The following RASGRP4 variants were observed in gnomAD, a reference collection of about 807,000 sequenced individuals.
RASGRP4 encodes RAS guanyl-releasing protein 4.
RASGRP4 carries 52 observed loss-of-function variants against 84.4 expected under a neutral mutation model. The observed-to-expected ratio is 0.62, with a 90% CI of 0.49 to 0.78. RASGRP4 has a LOEUF of 0.78. Among genes scored for constraint, RASGRP4 ranks in the 30% least tolerant of loss-of-function variants. The pLI is 0.00. For missense variants in RASGRP4, 760 were observed against 886.9 expected (o/e 0.86, Z 1.82); for synonymous variants, 356 against 359.1 (o/e 0.99, Z 0.10).
At position 38,426,104 on chromosome 19, in the gene RASGRP4, G is replaced by T. The variant is rs761051802; in HGVS notation, c.-13C>A. On this transcript the variant is annotated 5_prime_UTR_variant, in exon 1 of 17. Coordinates refer to ENST00000615439, the MANE Select transcript of RASGRP4 (RefSeq NM_170604.3). Reference sequence around the variant, plus strand: ...CTTTTCTGTTCATGCTTCCCGCGTGGGGTGAGGAGGCCGGGGGTCTTGCAA... The same window carrying T: ...CTTTTCTGTTCATGCTTCCCGCGTGTGGTGAGGAGGCCGGGGGTCTTGCAA... The T allele has an allele frequency of 7.5e-7, 1 of 1,329,516 alleles. No homozygotes were observed. Among genetic ancestry groups the T allele is most frequent in the Non-Finnish European group, 9.7e-7 (1 of 1,030,858 alleles). The allele number at this position is 1,329,516 out of a possible 1,614,324, so 82.4% of individuals were successfully genotyped here.
rs1239395830 is a variant in RASGRP4 at position 38,411,243 on chromosome 19, C to T, written c.1724G>A (p.Gly575Glu). The change falls in exon 15 of 17, where the codon GGG becomes GAG. Residue 575 changes from glycine to glutamate, a missense_variant. By Grantham distance (98) the Gly-to-Glu change is moderately conservative. Transcript: ENST00000615439. ...TKQGYRCREC[G>E]LCCHKHCRDQ... Reference sequence around the variant, plus strand: ...TCTGCAGTGTTTGTGGCAACACAGCCCGCACTCTGGGGGAAGGCAGCGGCA... The same window carrying T: ...TCTGCAGTGTTTGTGGCAACACAGCTCGCACTCTGGGGGAAGGCAGCGGCA... The T allele has an allele frequency of 1.9e-6, 3 of 1,613,974 alleles. No individual in the cohort carries two copies. The highest frequency in any genetic ancestry group is 2.5e-6 in the Non-Finnish European group (3 of 1,179,872).
Position 38,412,517 on chromosome 19 carries a change from C to T in RASGRP4, c.1680+155G>A. 2.8e-6 allele frequency: 2 copies of T among 710,652 alleles called. No individual in the cohort carries two copies. Among genetic ancestry groups the T allele is most frequent in the East Asian group, 2.7e-5 (1 of 36,514 alleles). 44.0% of individuals were successfully genotyped at this position (710,652 alleles called of 1,614,324 possible). A position where few individuals can be genotyped will look rare whatever the true frequency, so the allele number is the denominator to read the frequency against. ...GGATTATCTGGCATTTGGAGATTAT[C>T]CAGGATATAGGGAATGTCTGGTGTT... On this transcript the variant is annotated intron_variant, in intron 13 of 16. Transcript: ENST00000615439. This position sits in a 1 kb window ranked among gnomAD's most constrained non-coding sequence, Gnocchi z 4.6.
chr19:38,418,281 A>G lies in RASGRP4; in HGVS notation c.837+110T>C, dbSNP rs1311717684. 1.8e-6 allele frequency: 2 copies of G among 1,130,432 alleles called. No individual in the cohort carries two copies. Among genetic ancestry groups the G allele is most frequent in the Non-Finnish European group, 1.3e-6 (1 of 786,148 alleles). The allele number at this position is 1,130,432 out of a possible 1,614,324, so 70.0% of individuals were successfully genotyped here. The stretch of plus-strand genomic sequence containing the variant: ...CTGTGGCCTCGGGGGCGGGGCCGGG[A>G]GATGCGTGACGTCACCGCCGGGATG... On this transcript the variant is annotated intron_variant, in intron 7 of 16. Coordinates refer to ENST00000615439, the MANE Select transcript of RASGRP4 (RefSeq NM_170604.3). This position sits in a 1 kb window ranked among gnomAD's most constrained non-coding sequence, Gnocchi z 4.6.
Position 38,417,706 on chromosome 19 carries a change from G to A in RASGRP4, c.838-538C>T, listed in dbSNP as rs929601192. Among the ~76,000 whole-genome samples the A allele has an allele frequency of 2.0e-5, 3 of 152,150 alleles. No homozygotes were observed. The highest frequency in any genetic ancestry group is 4.4e-5 in the Non-Finnish European group (3 of 68,028). On this transcript the variant is annotated intron_variant, in intron 7 of 16. Transcript: ENST00000615439. This position sits in a 1 kb window ranked among gnomAD's most constrained non-coding sequence, Gnocchi z 5.1. Reference sequence around the variant, plus strand: ...CCTTGCCCTCCTTTTGACAAATTTCGGCAGAGGTTGCTGTGGAGAGAGTGG... The same window carrying A: ...CCTTGCCCTCCTTTTGACAAATTTCAGCAGAGGTTGCTGTGGAGAGAGTGG...
chr19:38,414,948 G>A lies in RASGRP4; in HGVS notation c.1130C>T (p.Pro377Leu). The A allele has an allele frequency of 6.2e-7, 1 of 1,613,616 alleles. No individual in the cohort carries two copies. ...DRLPDGRLHLPKLNNLYLRLQ... is the reference protein window; with the variant it reads ...DRLPDGRLHLLKLNNLYLRLQ... Reference sequence around the variant, plus strand: ...CCGCAGGTAGAGGTTGTTCAGCTTGGGTAGGTGCAGGCGGCCGTCAGGCAA... The same window carrying A: ...CCGCAGGTAGAGGTTGTTCAGCTTGAGTAGGTGCAGGCGGCCGTCAGGCAA... Residue 377 changes from proline (P) to leucine (L), a missense_variant, in exon 9 of 17, where the codon CCC becomes CTC. Physicochemically the swap from Pro to Leu is moderately conservative, Grantham distance 98. Coordinates refer to ENST00000615439, the MANE Select transcript of RASGRP4 (RefSeq NM_170604.3).
chr19:38,424,562 GGT>G (rs1232164172), intron 1 of RASGRP4, among the ~76,000 whole-genome samples: 1 of 150,626 alleles, frequency 6.6e-6, no homozygotes, highest in Non-Finnish European at 1.5e-5. Context: ...TGGGACTACA[GGT>G]GTGCACGACC....
chr19:38,419,761 AC>A, intron 6 of RASGRP4, 98 bp downstream of exon 6: 1 of 1,165,224 alleles, frequency 8.6e-7, no homozygotes, highest in Non-Finnish European at 1.2e-6. Context: ...CTGCCGAATG[AC>A]CATGCAGGTG....
chr19:38,418,689 G>T lies in RASGRP4; in HGVS notation c.664-125C>A. The stretch of plus-strand genomic sequence containing the variant: ...CTAGCCGGAGTGACCTTTGTCATCT[G>T]TCCCCCAACCCTCAGGCTGCTACAT... On this transcript the variant is annotated intron_variant, in intron 6 of 16. Coordinates refer to ENST00000615439, the MANE Select transcript of RASGRP4 (RefSeq NM_170604.3). This position sits in a 1 kb window ranked among gnomAD's most constrained non-coding sequence, Gnocchi z 4.6. 1 of 932,268 alleles carries T rather than the reference G, an allele frequency of 1.1e-6. No homozygotes were observed. The highest frequency in any genetic ancestry group is 1.5e-6 in the Non-Finnish European group (1 of 649,468). The allele number at this position is 932,268 out of a possible 1,614,324, so 57.7% of individuals were successfully genotyped here.
intron 16 of RASGRP4, 127 bp from the exon 17 acceptor site, chr19:38,410,223 T>C (rs182815429): frequency 6.2e-5 from 41 of 662,710 alleles, no homozygotes; most frequent in South Asian, 1.2e-4. Flanking sequence ...ACGTCCCCTG[T>C]GGAATCCTTT....
At chr19:38,415,586 T>A (rs1002383592) in intron 8 of RASGRP4, among the ~76,000 whole-genome samples, 8 of 151,756 alleles carry the variant, frequency 5.3e-5, no homozygotes, top group Non-Finnish European at 1.0e-4. Flanking sequence ...TTGGCCAGGC[T>A]GGTCTCAAAC....
rs1320778351 is a variant in RASGRP4 at position 38,409,225 on chromosome 19, TGTGCC to T, written c.*810_*814del. Reference sequence around the variant, plus strand: ...TCTTTGCCCTATAGCACATCTATCCTGTGCCGTGGGCATGGGTAAGGAGACATTCA... The same window carrying T: ...TCTTTGCCCTATAGCACATCTATCCTGTGGGCATGGGTAAGGAGACATTCA... On this transcript the variant is annotated 3_prime_UTR_variant, in exon 17 of 17. Coordinates refer to ENST00000615439, the MANE Select transcript of RASGRP4 (RefSeq NM_170604.3). 4.2e-5 allele frequency: 8 copies of T among 188,344 alleles called. No individual in the cohort carries two copies. The highest frequency in any genetic ancestry group is 1.7e-4 in the African/African-American group (7 of 42,272). The allele number at this position is 188,344 out of a possible 1,614,324, so 11.7% of individuals were successfully genotyped here.
At chr19:38,421,906 GA>G in intron 2 of RASGRP4, 62 bp downstream of exon 2, 1 of 1,445,740 alleles carries the variant, frequency 6.9e-7, no homozygotes. Flanking sequence ...AACTGAGGTG[GA>G]GAGAAGCGAG....
chr19:38,415,023 C>T lies in RASGRP4; in HGVS notation c.1055G>A (p.Gly352Asp), dbSNP rs2145207670. 6.2e-7 allele frequency: 1 copy of T among 1,611,260 alleles called. No homozygotes were observed. Among genetic ancestry groups the T allele is most frequent in the Non-Finnish European group, 8.5e-7 (1 of 1,178,982 alleles). The change falls in exon 9 of 17, where the codon GGC becomes GAC. Residue 352 changes from glycine (G) to aspartate (D), a missense_variant. Gly to Asp is a moderately conservative substitution (Grantham distance 94). Transcript: ENST00000615439. ...GCAGFRLPVLGVHLKDLVSLH... is the reference protein window; with the variant it reads ...GCAGFRLPVLDVHLKDLVSLH... ...GGACACCAGGTCCTTGAGGTGCACG[C>T]CCAGTACAGGCAGCCGGAAACCCGC...
At chr19:38,415,219 G>T in intron 8 of RASGRP4, 96 bp from the exon 9 acceptor site, 1 of 1,203,600 alleles carries the variant, frequency 8.3e-7, no homozygotes, top group Non-Finnish European at 1.1e-6. Flanking sequence ...GGACCCAGTG[G>T]CATTGTGGAA....
intron 6 of RASGRP4, among the ~76,000 whole-genome samples, chr19:38,419,469 G>T (rs952151025): frequency 5.3e-5 from 8 of 152,140 alleles, no homozygotes; most frequent in African/African-American, 1.9e-4. Flanking sequence ...ATCTCGCTCT[G>T]TCGCCCAGGC....
chr19:38,419,993 C>G lies in RASGRP4; in HGVS notation c.530G>C (p.Gly177Ala), dbSNP rs754222225. The G allele has an allele frequency of 2.7e-5, 43 of 1,613,762 alleles. No homozygotes were observed. The Middle Eastern group carries it at 1.2e-3, about 43-fold the overall frequency. The change falls in exon 6 of 17, where the codon GGC (glycine) becomes GCC (alanine). Residue 177 changes from glycine to alanine, a missense_variant. Gly to Ala is a moderately conservative substitution (Grantham distance 60, BLOSUM62 0). Transcript: ENST00000615439. ...SSDLLSPGGP[G>A]PPLPMSSPGL... is the part of the protein sequence containing the mutation. ...TGGGCTGCTCATTGGGAGTGGGGGG[C>G]CAGGGCCACCAGGGCTCAGGCTGGG...
chr19:38,425,878 G>T (rs1034101963), intron 1 of RASGRP4, among the ~76,000 whole-genome samples, 191 bp downstream of exon 1: 1 of 152,118 alleles, frequency 6.6e-6, no homozygotes, highest in Non-Finnish European at 1.5e-5. Flanking sequence ...GGACAACACG[G>T]TACAGATGCC....
rs757379439 is a variant in RASGRP4 at position 38,420,183 on chromosome 19, C to A, written c.457G>T (p.Val153Leu). 1 of 1,613,274 alleles carries A rather than the reference C, an allele frequency of 6.2e-7. No individual in the cohort carries two copies. The highest frequency in any genetic ancestry group is 1.3e-5 in the African/African-American group (1 of 74,932). The change falls in exon 5 of 17, where the codon GTG becomes TTG. Residue 153 changes from valine to leucine, a missense_variant. Val to Leu is a conservative substitution (Grantham distance 32, BLOSUM62 1). Coordinates refer to ENST00000615439, the MANE Select transcript of RASGRP4 (RefSeq NM_170604.3). The stretch of plus-strand genomic sequence containing the variant: ...TGGGCTGAGTTGCCCTCCCGGGCCA[C>A]GGTGGCCCAGAAACGACCTATGACT... ...EEVIGRFWAT[V>L]AREGNSAQRR...
At chr19:38,419,755 C>T (rs8111290) in intron 6 of RASGRP4, 105 bp downstream of exon 6, 285,086 of 1,134,234 alleles carry the variant, frequency 0.25, 40,183 homozygotes, top group South Asian at 0.47. Flanking sequence ...AGATCTCTGC[C>T]GAATGACCAT....
Sources: gnomAD v4.1 joint callset for allele counts (sites outside exome capture counted in the v4.1 genomes callset) on GRCh38, gnomAD v4.1.1 for gene constraint, Gnocchi (gnomAD v3.1) non-coding constraint, MANE v1.5 for transcripts, NCBI Gene and HGNC (gene_info 2026-07-23, HGNC 2026-07-21) for gene names.